TMEM184A: variants seen among roughly 807,000 people sequenced by gnomAD.
The protein encoded by TMEM184A is sexually dimorphic, expressed in male gonads 1.
Under a neutral mutation model 39.5 loss-of-function variants are expected in TMEM184A, and 40 were observed. That is an observed-to-expected ratio of 1.01 (90% CI 0.79 to 1.32). The LOEUF (loss-of-function observed/expected upper bound fraction) is 1.32, where lower values mean the gene tolerates loss of function less well. TMEM184A is among the 40% of genes most tolerant of loss of function. TMEM184A has a pLI of 0.00. For synonymous variants in TMEM184A, 280 were observed against 252.3 expected (o/e 1.11, Z -1.04); for missense variants, 603 against 568.8 (o/e 1.06, Z -0.61).
chr7:1,549,793 C>A (rs1282378165), intron 6 of TMEM184A, 61 bp downstream of exon 6: 41 of 1,480,876 alleles, frequency 2.8e-5, no homozygotes, highest in Non-Finnish European at 3.7e-5. Context: ...GGCCCCACTC[C>A]CGGGCCCCGG....
At chr7:1,552,685 A>G (rs1396965309) in intron 2 of TMEM184A, among the ~76,000 whole-genome samples, 1 of 152,120 alleles carries the variant, frequency 6.6e-6, no homozygotes, top group Non-Finnish European at 1.5e-5. Context: ...TGGGCTGGGC[A>G]GACTCTCAGA....
In TMEM184A at chr7:1,544,216, C is replaced by G. The variant is rs1357233828; in HGVS notation, c.*2736G>C. On this transcript the variant is annotated 3_prime_UTR_variant, in exon 9 of 9. Transcript: ENST00000297477. ...GGGTGTGAGTTGGGGGCACAGAGCC[C>G]CAGCCCTGTGTGGGGCTCCTGGAGG... 2 of 152,224 alleles carry G rather than the reference C, an allele frequency of 1.3e-5. No homozygotes were observed. The highest frequency in any genetic ancestry group is 2.4e-5 in the African/African-American group (1 of 41,428). 9.4% of individuals were successfully genotyped at this position (152,224 alleles called of 1,614,324 possible).
intron 2 of TMEM184A, 115 bp from the exon 3 acceptor site, chr7:1,551,097 T>A: frequency 9.6e-7 from 1 of 1,040,564 alleles, no homozygotes; most frequent in South Asian, 1.8e-5. Flanking sequence ...GAGAGCCAGG[T>A]CCACCCGGTA....
rs1048630563 is a variant in TMEM184A, at chr7:1,550,827, G to A, written c.375C>T (p.Asp125=). ...CAGCCTGGCGCCCACCTTCGTAGCA[G>A]TCCCGCACAGAGTCGAAGTAGACGT... The part of the protein sequence containing the change: ...QYYVYFDSVR[D]CYEAFVIYSF... Residue 125 remains aspartate (D), a synonymous_variant, in exon 3 of 9, where the codon GAC becomes GAT. Coordinates refer to ENST00000297477, the MANE Select transcript of TMEM184A (RefSeq NM_001097620.2). 6.2e-7 allele frequency: 1 copy of A among 1,613,090 alleles called. No homozygotes were observed. The highest frequency in any genetic ancestry group is 8.5e-7 in the Non-Finnish European group (1 of 1,179,926).
intron 6 of TMEM184A, chr7:1,549,236 C>T (rs1156968232): frequency 1.8e-5 from 8 of 437,738 alleles, no homozygotes; most frequent in South Asian, 7.9e-5. Flanking sequence ...ATGTGATGCA[C>T]GTGTGTGATG....
chr7:1,542,519 C>T lies in TMEM184A; in HGVS notation c.*4433G>A, dbSNP rs1231381511. 1 of 152,352 alleles carries T rather than the reference C, an allele frequency of 6.6e-6. No individual in the cohort carries two copies. The highest frequency in any genetic ancestry group is 1.5e-5 in the Non-Finnish European group (1 of 68,094). The allele number at this position is 152,352 out of a possible 1,614,324, so 9.4% of individuals were successfully genotyped here. ...TGTGGGCCGTGGGCTTCTACCTGCC[C>T]TTGGCCTGCAGTGCTTTGCTGGAGA... is the stretch of plus-strand genomic sequence containing the variant. On this transcript the variant is annotated 3_prime_UTR_variant, in exon 9 of 9. Coordinates refer to ENST00000297477, the MANE Select transcript of TMEM184A (RefSeq NM_001097620.2).
chr7:1,542,889 A>T lies in TMEM184A; in HGVS notation c.*4063T>A, dbSNP rs1440719569. 1 of 152,572 alleles carries T rather than the reference A, an allele frequency of 6.6e-6. No individual in the cohort carries two copies. The highest frequency in any genetic ancestry group is 1.5e-5 in the Non-Finnish European group (1 of 68,032). 9.5% of individuals were successfully genotyped at this position (152,572 alleles called of 1,614,324 possible). A position where few individuals can be genotyped will look rare whatever the true frequency, so the allele number is the denominator to read the frequency against. ...TTTATTTTTTGTGCTGCTTTTTATC[A>T]TGATATAAATTATTGAAAACAGATC... On this transcript the variant is annotated 3_prime_UTR_variant, in exon 9 of 9. Coordinates refer to ENST00000297477, the MANE Select transcript of TMEM184A (RefSeq NM_001097620.2).
Position 1,555,593 on chromosome 7 carries a change from C to G in TMEM184A, c.1-109G>C. ...GGAGACAGTGAGACGGGAGCTGAGG[C>G]TGAGCCACCCACCAGGCCGCACCCC... On this transcript the variant is annotated intron_variant, in intron 1 of 8. Coordinates refer to ENST00000297477, the MANE Select transcript of TMEM184A (RefSeq NM_001097620.2). This position sits in a 1 kb window ranked among gnomAD's most constrained non-coding sequence, Gnocchi z 5.2. The G allele has an allele frequency of 1.2e-6, 1 of 822,278 alleles. No homozygotes were observed. Among genetic ancestry groups the G allele is most frequent in the Non-Finnish European group, 2.0e-6 (1 of 495,268 alleles). 50.9% of individuals were successfully genotyped at this position (822,278 alleles called of 1,614,324 possible).
rs747970012 is a variant in TMEM184A at position 1,547,069 on chromosome 7, C to T, written c.1125G>A (p.Thr375=). ...HNFSPAYQHY[T]QQATHEAPRP... ...TGGGCGCCTCGTGCGTGGCCTGCTG[C>T]GTGTAGTGCTGGTAGGCGGGGGAGA... is the stretch of plus-strand genomic sequence containing the variant. The change falls in exon 9 of 9, where the codon ACG becomes ACA. Residue 375 remains threonine, a synonymous_variant. Coordinates refer to ENST00000297477, the MANE Select transcript of TMEM184A (RefSeq NM_001097620.2). The T allele has an allele frequency of 9.3e-6, 15 of 1,609,756 alleles. 1 individual carries two copies. The highest frequency in any genetic ancestry group is 5.0e-5 in the Admixed American group (3 of 59,976).
intron 2 of TMEM184A, among the ~76,000 whole-genome samples, chr7:1,553,869 G>A (rs893328289): frequency 6.6e-5 from 10 of 152,142 alleles, no homozygotes; most frequent in African/African-American, 1.7e-4. Context: ...TGACTCTGGC[G>A]GTGGGCTCAG....
At chr7:1,550,280 G>T (rs760027163) in intron 4 of TMEM184A, 25 bp downstream of exon 4, 38 of 1,610,882 alleles carry the variant, frequency 2.4e-5, no homozygotes, top group South Asian at 6.6e-5. Flanking sequence ...TGTGGGGTGT[G>T]GGGGCTCTGG....
chr7:1,550,769 G>C (rs1477122244), intron 3 of TMEM184A, 48 bp downstream of exon 3: 1 of 1,602,914 alleles, frequency 6.2e-7, no homozygotes, highest in Non-Finnish European at 8.5e-7. Context: ...GCAGGCCCCG[G>C]GGAGTCTCTC....
chr7:1,549,788 C>G (rs1784510973), intron 6 of TMEM184A, 66 bp downstream of exon 6: 1 of 1,452,116 alleles, frequency 6.9e-7, no homozygotes, highest in African/African-American at 1.4e-5. Flanking sequence ...CGTTGGGCCC[C>G]ACTCCCGGGC....
chr7:1,547,548 C>T (rs1784397561), intron 8 of TMEM184A, among the ~76,000 whole-genome samples, 194 bp downstream of exon 8: 1 of 152,142 alleles, frequency 6.6e-6, no homozygotes, highest in African/African-American at 2.4e-5. Context: ...GACACCCATC[C>T]CCCATCACCA....
In TMEM184A at chr7:1,555,349, G is replaced by A. The variant is rs549129441; in HGVS notation, c.136C>T (p.Pro46Ser). Residue 46 changes from proline (P) to serine (S), a missense_variant, in exon 2 of 9, where the codon CCC becomes TCC. Transcript: ENST00000297477. The surrounding 1 kb of genome is among the most constrained non-coding windows in gnomAD (Gnocchi z 5.2). ...AGTGCGGAGGTGAGGAAGAGCCAGG[G>A]GGCCCCCTGGGAGCTGTTCCCCATG... ...DHMGNSSQGAPWLFLTSALAR... is the reference protein window; with the variant it reads ...DHMGNSSQGASWLFLTSALAR... The A allele has an allele frequency of 1.2e-6, 2 of 1,610,640 alleles. No homozygotes were observed. Among genetic ancestry groups the A allele is most frequent in the South Asian group, 2.2e-5 (2 of 90,976 alleles).
intron 2 of TMEM184A, among the ~76,000 whole-genome samples, chr7:1,553,925 C>T (rs886064004): frequency 3.3e-5 from 5 of 152,096 alleles, no homozygotes; most frequent in Non-Finnish European, 2.9e-5. Context: ...CTCCATGAGC[C>T]CTGTCTTGAC....
At position 1,555,076 on chromosome 7, in the gene TMEM184A, G is replaced by C. The variant is rs897916386; in HGVS notation, c.219+190C>G. 1.3e-5 allele frequency among the ~76,000 whole-genome samples: 2 copies of C among 152,126 alleles called. No homozygotes were observed. Among genetic ancestry groups the C allele is most frequent in the African/African-American group, 4.8e-5 (2 of 41,428 alleles). On this transcript the variant is annotated intron_variant, in intron 2 of 8. Transcript: ENST00000297477. This position sits in a 1 kb window ranked among gnomAD's most constrained non-coding sequence, Gnocchi z 5.2. ...GGCGCTCTGCCCTCAGCCTGGCAGA[G>C]ATCTCCCCATTTTCAGGCCCAGCTC...
At position 1,546,939 on chromosome 7, in the gene TMEM184A, A is replaced by T. The variant is rs1426475330; in HGVS notation, c.*13T>A. On this transcript the variant is annotated 3_prime_UTR_variant, in exon 9 of 9. Coordinates refer to ENST00000297477, the MANE Select transcript of TMEM184A (RefSeq NM_001097620.2). ...CAGCCTGGGTCCCTACAGCACTGGC[A>T]GCCCAGGCCCCCCTACAGGTCCTCC... The T allele has an allele frequency of 2.0e-6, 3 of 1,519,938 alleles. No individual in the cohort carries two copies. The highest frequency in any genetic ancestry group is 1.4e-5 in the African/African-American group (1 of 72,256). The allele number at this position is 1,519,938 out of a possible 1,614,324, so 94.2% of individuals were successfully genotyped here. A position where few individuals can be genotyped will look rare whatever the true frequency, so the allele number is the denominator to read the frequency against.
Position 1,549,655 on chromosome 7 carries a change from C to T in TMEM184A, c.644+199G>A, listed in dbSNP as rs374491521. On this transcript the variant is annotated intron_variant, in intron 6 of 8. Transcript: ENST00000297477. ...TCTTGGGCGGGGCCCCTAGCCCAGCCGGACGCCAGGCCTGCCTTGTTGGGC... is the reference window on the plus strand; with the variant it reads ...TCTTGGGCGGGGCCCCTAGCCCAGCTGGACGCCAGGCCTGCCTTGTTGGGC... The T allele has an allele frequency of 1.0e-3, 711 of 688,998 alleles. 6 individuals are homozygous for T. The highest frequency in any genetic ancestry group is 0.01 in the South Asian group (670 of 66,522). The allele number at this position is 688,998 out of a possible 1,614,324, so 42.7% of individuals were successfully genotyped here.
Sources: allele counts gnomAD v4.1 joint callset (sites outside exome capture counted in the v4.1 genomes callset), GRCh38; gene constraint gnomAD v4.1.1; non-coding constraint Gnocchi (gnomAD v3.1); transcripts MANE v1.5; gene names NCBI Gene and HGNC (gene_info 2026-07-23, HGNC 2026-07-21).